Variants in SAP30BP observed in about 807,000 individuals in gnomAD.
The protein encoded by SAP30BP is SAP30 binding protein.
Under a neutral mutation model 46.3 loss-of-function variants are expected in SAP30BP, and 31 were observed. The ratio of observed to expected loss-of-function variants is 0.67; its 90% CI spans 0.50 to 0.90. The LOEUF is 0.90. SAP30BP is among the 40% of genes least tolerant of loss of function. SAP30BP has a pLI of 0.00. For missense variants in SAP30BP, 312 were observed against 391.0 expected (o/e 0.80, Z 1.70); for synonymous variants, 169 against 144.2 (o/e 1.17, Z -1.23).
rs2060185993 is a variant in SAP30BP at position 75,687,957 on chromosome 17, A to AGT, written c.265-5482_265-5481insTG. Reference sequence around the variant, plus strand: ...GTGTGTGTGTGTGTGTGTGTGTGTGAGAGAGACAGAGAGAGGTCAGTGCTT... The same window carrying AGT: ...GTGTGTGTGTGTGTGTGTGTGTGTGAGTGAGAGACAGAGAGAGGTCAGTGCTT... On this transcript the variant is annotated intron_variant, in intron 3 of 10. Transcript: ENST00000584667. 2.0e-4 allele frequency among the ~76,000 whole-genome samples: 20 copies of AGT among 98,974 alleles called. 1 individual carries two copies. The highest frequency in any genetic ancestry group is 7.0e-4 in the Admixed American group (7 of 9,992). The allele number at this position is 98,974 out of a possible 152,430, so 64.9% of individuals were successfully genotyped here.
intron 2 of SAP30BP, among the ~76,000 whole-genome samples, chr17:75,671,121 G>A (rs1305123568): frequency 6.6e-6 from 1 of 152,166 alleles, no homozygotes; most frequent in East Asian, 1.9e-4. Flanking sequence ...GACCTCATCT[G>A]GATAAGGAAC....
At chr17:75,702,811 C>G (rs1454939061) in intron 6 of SAP30BP, 2 of 361,924 alleles carry the variant, frequency 5.5e-6, no homozygotes, top group African/African-American at 4.1e-5. Flanking sequence ...ATGAGGGAGA[C>G]CTGGCTGAGT....
At chr17:75,690,988 C>T (rs926897825) in intron 3 of SAP30BP, among the ~76,000 whole-genome samples, 2 of 152,170 alleles carry the variant, frequency 1.3e-5, no homozygotes, top group African/African-American at 2.4e-5. Flanking sequence ...AATGGGTCCT[C>T]GTAAGGCAGG....
chr17:75,697,360 A>G (rs2060338507), intron 4 of SAP30BP, among the ~76,000 whole-genome samples: 1 of 152,146 alleles, frequency 6.6e-6, no homozygotes, highest in African/African-American at 2.4e-5. Flanking sequence ...AGCTTCTGCA[A>G]CCTCAGCCTT....
At chr17:75,691,513 C>G (rs1297921842) in intron 3 of SAP30BP, 1 of 455,228 alleles carries the variant, frequency 2.2e-6, no homozygotes, top group Non-Finnish European at 4.4e-6. Flanking sequence ...CTTACTTTAC[C>G]TAAGGAGGCC....
At chr17:75,668,695 AAC>A (rs1225512890) in intron 2 of SAP30BP, 70 bp downstream of exon 2, 1 of 1,016,942 alleles carries the variant, frequency 9.8e-7, no homozygotes, top group African/African-American at 1.6e-5. Context: ...GAACTGTGCC[AAC>A]AGTGTTCCAT....
At chr17:75,700,296 T>C (rs1347791919) in intron 5 of SAP30BP, 1 of 152,934 alleles carries the variant, frequency 6.5e-6, no homozygotes, top group Non-Finnish European at 1.5e-5. Context: ...TCTATCCTAA[T>C]CTATTTCTAA....
intron 2 of SAP30BP, among the ~76,000 whole-genome samples, 155 bp downstream of exon 2, chr17:75,668,780 G>A (rs1306412167): frequency 1.3e-5 from 2 of 152,162 alleles, no homozygotes; most frequent in Non-Finnish European, 2.9e-5. Flanking sequence ...TTGGATATCA[G>A]ATCTGTTTGA....
At chr17:75,681,144 T>C (rs1458452693) in intron 3 of SAP30BP, among the ~76,000 whole-genome samples, 1 of 152,170 alleles carries the variant, frequency 6.6e-6, no homozygotes, top group East Asian at 1.9e-4. Flanking sequence ...AAAAATAATA[T>C]GTGTAAGTGT....
intron 3 of SAP30BP, among the ~76,000 whole-genome samples, chr17:75,674,076 A>T (rs1381751681): frequency 6.6e-6 from 1 of 152,088 alleles, no homozygotes; most frequent in Non-Finnish European, 1.5e-5. Context: ...GCCAGCTTCA[A>T]TGTTCTGCAA....
chr17:75,701,933 G>T (rs1568322556), intron 5 of SAP30BP, among the ~76,000 whole-genome samples: 1 of 152,184 alleles, frequency 6.6e-6, no homozygotes, highest in Non-Finnish European at 1.5e-5. Context: ...AGAGCGTCAG[G>T]AAACCTCAGC....
At chr17:75,672,978 A>G (rs1319440497) in intron 3 of SAP30BP, among the ~76,000 whole-genome samples, 1 of 152,124 alleles carries the variant, frequency 6.6e-6, no homozygotes, top group Non-Finnish European at 1.5e-5. Flanking sequence ...AAAAAACAAA[A>G]AAAAACTGCT....
At chr17:75,697,790 C>G (rs2060345358) in intron 4 of SAP30BP, among the ~76,000 whole-genome samples, 1 of 152,228 alleles carries the variant, frequency 6.6e-6, no homozygotes, top group Non-Finnish European at 1.5e-5. Context: ...GTCCCCAGCC[C>G]TCCTTGGCAC....
rs2060490239 is a variant in SAP30BP, at chr17:75,705,947, G to A, written c.661-61G>A. On this transcript the variant is annotated intron_variant, in intron 9 of 10. Transcript: ENST00000584667. ...TCCTGTCCCCCAGGAGCTGACGGAT[G>A]GCAAAAAGCTGTGGACACCCAGCTT... 4 of 1,602,288 alleles carry A rather than the reference G, an allele frequency of 2.5e-6. No homozygotes were observed. In the African/African-American group the frequency reaches 4.0e-5, roughly 16 times the overall value.
intron 2 of SAP30BP, 63 bp from the exon 3 acceptor site, chr17:75,671,753 T>G: frequency 5.4e-6 from 7 of 1,284,648 alleles, no homozygotes; most frequent in Non-Finnish European, 8.0e-6. Context: ...CCCCTAGTTA[T>G]GCATGTGAGA....
At chr17:75,703,943 C>T (rs1329960518) in intron 8 of SAP30BP, 84 bp downstream of exon 8, 11 of 1,025,366 alleles carry the variant, frequency 1.1e-5, no homozygotes, top group Non-Finnish European at 1.6e-5. Context: ...CCAGGTGACA[C>T]ATATTTCAGG....
rs1555718073 is a variant in SAP30BP, at chr17:75,674,705, T to TTG, written c.264+2843_264+2844insGT. ...TTTTTTGTTTGTTTTTTGTTTTTTT[T>TTG]TTTTTTTTTTTTTTTTTTTTGAGGT... On this transcript the variant is annotated intron_variant, in intron 3 of 10. Coordinates refer to ENST00000584667, the MANE Select transcript of SAP30BP (RefSeq NM_013260.8). 6.9e-5 allele frequency among the ~76,000 whole-genome samples: 8 copies of TTG among 116,780 alleles called. No individual in the cohort carries two copies. The South Asian group carries it at 9.2e-4, about 13-fold the overall frequency. 76.6% of individuals were successfully genotyped at this position (116,780 alleles called of 152,430 possible).
chr17:75,675,520 T>C (rs963749613), intron 3 of SAP30BP, among the ~76,000 whole-genome samples: 1 of 152,236 alleles, frequency 6.6e-6, no homozygotes, highest in Non-Finnish European at 1.5e-5. Flanking sequence ...CTTTACACAA[T>C]TAAAAATTGA....
chr17:75,667,605 G>A (rs567353455), intron 1 of SAP30BP, 127 bp downstream of exon 1: 1 of 768,932 alleles, frequency 1.3e-6, no homozygotes, highest in Admixed American at 2.5e-5. Context: ...AATGGTCCAG[G>A]GTCCGGGGTG....
Sources: allele counts gnomAD v4.1 joint callset (sites outside exome capture counted in the v4.1 genomes callset), GRCh38; gene constraint gnomAD v4.1.1; transcripts MANE v1.5; gene names NCBI Gene and HGNC (gene_info 2026-07-23, HGNC 2026-07-21).